The following TRPM3 variants were observed in gnomAD, a reference collection of about 807,000 sequenced individuals.
TRPM3 encodes the protein long transient receptor potential channel 3.
Under a neutral mutation model 181.2 loss-of-function variants are expected in TRPM3, and 77 were observed. The ratio of observed to expected loss-of-function variants is 0.42; its 90% confidence interval spans 0.35 to 0.51. The LOEUF (loss-of-function observed/expected upper bound fraction) is 0.51. Ranked by LOEUF, TRPM3 falls within the 20% of genes least tolerant of loss-of-function variation. The pLI is 0.01. For missense variants in TRPM3, 1,759 were observed against 2,196.7 expected (o/e 0.80, Z 3.98); for synonymous variants, 745 against 796.4 (o/e 0.94, Z 1.09).
intron 1 of TRPM3, among the ~76,000 whole-genome samples, chr9:71,213,849 C>T: frequency 6.6e-6 from 1 of 152,038 alleles, no homozygotes; most frequent in South Asian, 2.1e-4. Flanking sequence ...TTTAAAAAGT[C>T]AAGAATAACC....
intron 1 of TRPM3, among the ~76,000 whole-genome samples, chr9:71,228,469 A>G (rs1045873882): frequency 3.9e-5 from 6 of 152,148 alleles, no homozygotes; most frequent in Non-Finnish European, 8.8e-5. Flanking sequence ...TAGAAATCCT[A>G]CCTAGAGCAA....
rs1398031517 is a variant in TRPM3, at chr9:71,351,870, GTT to G, written c.183+94781_183+94782del. On this transcript the variant is annotated intron_variant, in intron 1 of 24. Transcript: ENST00000357533. ...ATGGGAAGTTTTTGTTTGTTTGTTT[GTT>G]TTTGTTTTTTTTTTTTTTTTTGAGA... Among the ~76,000 whole-genome samples, 49 of 95,682 alleles carry G rather than the reference GTT, an allele frequency of 5.1e-4. No homozygotes were observed. The East Asian group carries it at 5.3e-3, about 10-fold the overall frequency. The allele number at this position is 95,682 out of a possible 152,430, so 62.8% of individuals were successfully genotyped here. A position where few individuals can be genotyped will look rare whatever the true frequency, so the allele number is the denominator to read the frequency against.
intron 3 of TRPM3, among the ~76,000 whole-genome samples, chr9:70,849,850 G>A (rs79863586): frequency 0.013 from 2,052 of 152,080 alleles, 47 homozygotes; most frequent in African/African-American, 0.046. Flanking sequence ...CCATGCTTTC[G>A]GGTCTGGAAA....
chr9:70,933,868 C>T (rs1463357066), intron 1 of TRPM3, among the ~76,000 whole-genome samples: 2 of 151,832 alleles, frequency 1.3e-5, no homozygotes, highest in East Asian at 3.9e-4. Flanking sequence ...GAACTTAAAA[C>T]CCAGGCACAG....
Position 70,529,082 on chromosome 9 carries a change from T to G in TRPM3, c.*6871A>C, listed in dbSNP as rs2040505405. On this transcript the variant is annotated 3_prime_UTR_variant, in exon 26 of 26. Transcript: ENST00000677713. ...AAGTCATGTTTTAAACTACTGAGTTTTTTTTTTTATTGCAAAACATTTGTT... is the reference window on the plus strand; with the variant it reads ...AAGTCATGTTTTAAACTACTGAGTTGTTTTTTTTATTGCAAAACATTTGTT... The G allele has an allele frequency of 6.6e-6, 1 of 152,190 alleles. No homozygotes were observed. Among genetic ancestry groups the G allele is most frequent in the East Asian group, 1.9e-4 (1 of 5,178 alleles). The allele number at this position is 152,190 out of a possible 1,614,324, so 9.4% of individuals were successfully genotyped here.
chr9:70,673,029 G>T (rs2063287037), intron 9 of TRPM3, among the ~76,000 whole-genome samples: 1 of 152,108 alleles, frequency 6.6e-6, no homozygotes, highest in South Asian at 2.1e-4. Context: ...CCTAATGTAT[G>T]CAATGTAAAG....
intron 1 of TRPM3, among the ~76,000 whole-genome samples, chr9:70,959,871 C>T (rs1218615269): frequency 3.3e-5 from 5 of 152,098 alleles, no homozygotes; most frequent in Non-Finnish European, 5.9e-5. Context: ...CTGAAAATTC[C>T]ATGTTATCAA....
intron 1 of TRPM3, among the ~76,000 whole-genome samples, chr9:71,132,761 G>A (rs2074454125): frequency 6.6e-6 from 1 of 151,876 alleles, no homozygotes; most frequent in Admixed American, 6.6e-5. Context: ...ATATTACCAA[G>A]TATTTTAAAA....
chr9:71,196,442 T>A (rs2078369764), intron 1 of TRPM3, among the ~76,000 whole-genome samples: 1 of 151,954 alleles, frequency 6.6e-6, no homozygotes, highest in South Asian at 2.1e-4. Context: ...TGTCCTCTGG[T>A]CCCTGTCCAT....
At chr9:70,672,714 T>C (rs1000839726) in intron 9 of TRPM3, among the ~76,000 whole-genome samples, 64 of 152,288 alleles carry the variant, frequency 4.2e-4, no homozygotes, top group African/African-American at 1.2e-3. Flanking sequence ...TCTTTTTTTT[T>C]CCATTTCTTC....
intron 1 of TRPM3, among the ~76,000 whole-genome samples, chr9:71,328,782 G>T (rs1240512526): frequency 1.3e-5 from 2 of 152,130 alleles, no homozygotes; most frequent in East Asian, 3.8e-4. Context: ...CAACTGCTCT[G>T]ATATTTTTAT....
At chr9:71,421,937 C>A (rs565016329) in intron 1 of TRPM3, among the ~76,000 whole-genome samples, 2 of 152,100 alleles carry the variant, frequency 1.3e-5, no homozygotes, top group East Asian at 1.9e-4. Context: ...CAATTTGCCA[C>A]CCCTGGAGAC....
At chr9:70,900,312 G>A (rs1442052177) in intron 1 of TRPM3, among the ~76,000 whole-genome samples, 1 of 152,068 alleles carries the variant, frequency 6.6e-6, no homozygotes, top group Non-Finnish European at 1.5e-5. Context: ...CTGCACTTCA[G>A]CATGGGTGAC....
intron 1 of TRPM3, among the ~76,000 whole-genome samples, chr9:71,156,146 AAT>A (rs1324136653): frequency 6.6e-6 from 1 of 152,066 alleles, no homozygotes; most frequent in Non-Finnish European, 1.5e-5. Flanking sequence ...TCTTTGACCT[AAT>A]AGGTAGACTT....
intron 22 of TRPM3, among the ~76,000 whole-genome samples, chr9:70,557,385 A>G (rs1233253192): frequency 2.0e-5 from 3 of 152,256 alleles, no homozygotes; most frequent in Non-Finnish European, 2.9e-5. Flanking sequence ...AATAGCCTTC[A>G]TTTGGTAATA....
chr9:70,792,168 A>G (rs2085600235), intron 6 of TRPM3, among the ~76,000 whole-genome samples: 2 of 152,144 alleles, frequency 1.3e-5, no homozygotes, highest in South Asian at 2.1e-4. Context: ...AGCTGGCTGG[A>G]CTTACATGGA....
intron 2 of TRPM3, 135 bp from the exon 3 acceptor site, chr9:70,863,247 G>A (rs1181768562): frequency 1.5e-6 from 1 of 675,420 alleles, no homozygotes; most frequent in African/African-American, 1.8e-5. Context: ...TCCACCATGT[G>A]GCTATATCAG....
chr9:70,906,884 C>T (rs2096473876), intron 1 of TRPM3, among the ~76,000 whole-genome samples: 1 of 151,856 alleles, frequency 6.6e-6, no homozygotes, highest in Non-Finnish European at 1.5e-5. Context: ...GCCTGGGCAA[C>T]AAGAGTGAAA....
At chr9:71,350,395 G>A (rs1046494783) in intron 1 of TRPM3, among the ~76,000 whole-genome samples, 1 of 152,120 alleles carries the variant, frequency 6.6e-6, no homozygotes, top group Admixed American at 6.5e-5. Context: ...GTTTATCAAT[G>A]TTCCAATGAC....
Sources: gnomAD v4.1 joint callset for allele counts (sites outside exome capture counted in the v4.1 genomes callset) on GRCh38, gnomAD v4.1.1 for gene constraint, MANE v1.5 for transcripts, NCBI Gene and HGNC (gene_info 2026-07-23, HGNC 2026-07-21) for gene names.